SORCS3: variants seen among roughly 807,000 people sequenced by gnomAD.
The protein encoded by SORCS3 is sortilin related VPS10 domain containing receptor 3, also known as VPS10 domain-containing receptor SorCS3.
In SORCS3, 57 loss-of-function variants were observed where a neutral mutation model predicts 146.3. The observed-to-expected ratio is 0.39, with a 90% CI of 0.31 to 0.49. The LOEUF (loss-of-function observed/expected upper bound fraction) is 0.49, where lower values mean the gene tolerates loss of function less well. SORCS3 is among the 20% of genes least tolerant of loss of function. The probability of loss-of-function intolerance (pLI) is 0.92; values close to 1 mark genes in which losing one functional copy is unlikely to be tolerated. For synonymous variants in SORCS3, 653 were observed against 618.5 expected (o/e 1.06, Z -0.83); for missense variants, 1,341 against 1,575.5 (o/e 0.85, Z 2.52).
intron 2 of SORCS3, among the ~76,000 whole-genome samples, chr10:104,886,102 T>A (rs536282330): frequency 1.3e-5 from 2 of 152,274 alleles, no homozygotes; most frequent in African/African-American, 4.8e-5. Context: ...AGGATTAGAA[T>A]TTCTCTGTTG....
intron 1 of SORCS3, among the ~76,000 whole-genome samples, chr10:104,703,113 T>C (rs2037732409): frequency 6.6e-6 from 1 of 152,134 alleles, no homozygotes; most frequent in African/African-American, 2.4e-5. Flanking sequence ...CATCCCAAAG[T>C]CCAAGGGAAA....
chr10:104,970,096 C>G (rs998733227), intron 3 of SORCS3, among the ~76,000 whole-genome samples: 6 of 152,036 alleles, frequency 3.9e-5, no homozygotes, highest in African/African-American at 1.4e-4. Flanking sequence ...GTTCTGTAGA[C>G]CATTGGTACA....
chr10:104,859,647 G>A (rs1279101976), intron 2 of SORCS3, among the ~76,000 whole-genome samples: 1 of 152,144 alleles, frequency 6.6e-6, no homozygotes, highest in Non-Finnish European at 1.5e-5. Context: ...CAAAATGGGA[G>A]AAAATTTTCG....
chr10:105,063,239 A>G (rs1197416517), intron 5 of SORCS3, among the ~76,000 whole-genome samples: 1 of 152,178 alleles, frequency 6.6e-6, no homozygotes, highest in Admixed American at 6.5e-5. Context: ...TGCTGCTCTC[A>G]GGAAACCAGC....
At chr10:105,186,232 C>G (rs1010342961) in intron 14 of SORCS3, among the ~76,000 whole-genome samples, 4 of 152,086 alleles carry the variant, frequency 2.6e-5, no homozygotes, top group Non-Finnish European at 4.4e-5. Context: ...AATTCTTGTA[C>G]TATTTTCTGA....
chr10:105,008,847 A>C (rs1457636643), intron 4 of SORCS3, among the ~76,000 whole-genome samples: 3 of 152,132 alleles, frequency 2.0e-5, no homozygotes, highest in Non-Finnish European at 4.4e-5. Context: ...GGGTTTCACC[A>C]TGTTTCCCAG....
intron 1 of SORCS3, among the ~76,000 whole-genome samples, chr10:104,700,985 A>G (rs899450830): frequency 9.9e-5 from 15 of 151,856 alleles, no homozygotes; most frequent in African/African-American, 3.6e-4. Flanking sequence ...AGCCTTCAGA[A>G]GAAGAAGAGG....
chr10:105,157,526 A>G (rs1358480404), intron 10 of SORCS3, among the ~76,000 whole-genome samples: 1 of 152,236 alleles, frequency 6.6e-6, no homozygotes, highest in African/African-American at 2.4e-5. Context: ...ATAGTAAGGC[A>G]AATAAACATA....
intron 8 of SORCS3, among the ~76,000 whole-genome samples, chr10:105,145,149 T>C (rs1360098486): frequency 2.2e-4 from 33 of 152,110 alleles, no homozygotes; most frequent in Admixed American, 2.2e-3. Flanking sequence ...TGCATGCTAT[T>C]AAGATTGATA....
intron 2 of SORCS3, among the ~76,000 whole-genome samples, chr10:104,895,542 C>T (rs1261920337): frequency 1.3e-5 from 2 of 152,214 alleles, no homozygotes; most frequent in East Asian, 3.8e-4. Context: ...AAACTGACTG[C>T]TCCAGCATCC....
At chr10:105,251,131 GA>G (rs919166526) in intron 22 of SORCS3, among the ~76,000 whole-genome samples, 1 of 152,104 alleles carries the variant, frequency 6.6e-6, no homozygotes, top group Non-Finnish European at 1.5e-5. Context: ...AATTTATAAA[GA>G]AAAAAGGTTT....
chr10:105,222,508 A>T (rs1475779761), intron 19 of SORCS3, among the ~76,000 whole-genome samples: 1 of 152,190 alleles, frequency 6.6e-6, no homozygotes, highest in Non-Finnish European at 1.5e-5. Context: ...GAGGGAAAAA[A>T]TAAGAAGCTT....
At chr10:105,091,667 T>C (rs1199603223) in intron 6 of SORCS3, among the ~76,000 whole-genome samples, 2 of 152,082 alleles carry the variant, frequency 1.3e-5, no homozygotes, top group African/African-American at 4.8e-5. Flanking sequence ...ATTTTTTAAC[T>C]GAAGAGCTAT....
chr10:104,889,844 A>C lies in SORCS3; in HGVS notation c.696-25989A>C, dbSNP rs183438251. ...CATATTTCCATCTGGTATCATTCTA[A>C]TAATTCTGCCTAAAGGACTTCCTTT... is the stretch of plus-strand genomic sequence containing the variant. On this transcript the variant is annotated intron_variant, in intron 2 of 26. Transcript: ENST00000369701. 2.9e-3 allele frequency among the ~76,000 whole-genome samples: 445 copies of C among 152,260 alleles called. 2 individuals carry two copies. Among genetic ancestry groups the C allele is most frequent in the South Asian group, 0.018 (88 of 4,822 alleles).
At chr10:104,822,600 A>G (rs2017887028) in intron 1 of SORCS3, among the ~76,000 whole-genome samples, 1 of 152,194 alleles carries the variant, frequency 6.6e-6, no homozygotes, top group Admixed American at 6.5e-5. Context: ...ATTTTAGGCA[A>G]CCCAGATCAC....
At chr10:104,724,384 C>A (rs1413290936) in intron 1 of SORCS3, among the ~76,000 whole-genome samples, 1 of 152,158 alleles carries the variant, frequency 6.6e-6, no homozygotes, top group Non-Finnish European at 1.5e-5. Context: ...GGTAACCCGA[C>A]CTTTCTCTCT....
chr10:105,082,808 G>T (rs2055634144), intron 5 of SORCS3, among the ~76,000 whole-genome samples: 1 of 152,096 alleles, frequency 6.6e-6, no homozygotes, highest in Admixed American at 6.6e-5. Context: ...TTGGCTCACT[G>T]CAACCCCTGC....
intron 4 of SORCS3, among the ~76,000 whole-genome samples, chr10:104,997,960 G>T (rs1435098153): frequency 6.6e-6 from 1 of 152,142 alleles, no homozygotes; most frequent in African/African-American, 2.4e-5. Flanking sequence ...TGATCAGCAG[G>T]AAATGGCCTT....
intron 9 of SORCS3, 152 bp downstream of exon 9, chr10:105,147,948 A>C (rs1018455329): frequency 1.7e-6 from 1 of 591,642 alleles, no homozygotes; most frequent in African/African-American, 1.9e-5. Flanking sequence ...TATATGCCTC[A>C]ATTCTAGTAA....
Sources: gnomAD v4.1 joint callset for allele counts (sites outside exome capture counted in the v4.1 genomes callset) on GRCh38, gnomAD v4.1.1 for gene constraint, MANE v1.5 for transcripts, NCBI Gene and HGNC (gene_info 2026-07-23, HGNC 2026-07-21) for gene names.